The following UBE2E2 variants were observed in gnomAD, a reference collection of about 807,000 sequenced individuals.
The protein encoded by UBE2E2 is ubiquitin-conjugating enzyme E2 E2.
Under a neutral mutation model 24.7 loss-of-function variants are expected in UBE2E2, and 6 were observed. The ratio of observed to expected loss-of-function variants is 0.24; its 90% CI spans 0.13 to 0.48. The LOEUF (loss-of-function observed/expected upper bound fraction) is 0.48, where lower values mean the gene tolerates loss of function less well. Ranked by LOEUF, UBE2E2 falls within the 20% of genes least tolerant of loss-of-function variation. UBE2E2 has a pLI of 0.99. For missense variants in UBE2E2, 169 were observed against 245.0 expected (o/e 0.69, Z 2.07); for synonymous variants, 104 against 83.6 (o/e 1.24, Z -1.33).
intron 3 of UBE2E2, among the ~76,000 whole-genome samples, chr3:23,317,658 A>G (rs1051937624): frequency 1.3e-5 from 2 of 151,996 alleles, no homozygotes; most frequent in Admixed American, 1.3e-4. Context: ...TGTGCAGGGA[A>G]ACTCCTCATT....
At chr3:23,269,298 A>C (rs554112645) in intron 3 of UBE2E2, among the ~76,000 whole-genome samples, 1 of 152,152 alleles carries the variant, frequency 6.6e-6, no homozygotes, top group Non-Finnish European at 1.5e-5. Flanking sequence ...TTCACAACCT[A>C]CTCATCTGAC....
chr3:23,224,677 T>A (rs1314293053), intron 3 of UBE2E2, among the ~76,000 whole-genome samples: 1 of 152,180 alleles, frequency 6.6e-6, no homozygotes, highest in Non-Finnish European at 1.5e-5. Flanking sequence ...TGGCCTTTGT[T>A]CCTACTTGTT....
At chr3:23,341,544 TTAG>T (rs1249381875) in intron 3 of UBE2E2, among the ~76,000 whole-genome samples, 1 of 152,132 alleles carries the variant, frequency 6.6e-6, no homozygotes, top group African/African-American at 2.4e-5. Context: ...GTAGGTAAGC[TTAG>T]GTTTAGGGTC....
At chr3:23,424,252 G>A (rs527495004) in intron 3 of UBE2E2, among the ~76,000 whole-genome samples, 2 of 152,092 alleles carry the variant, frequency 1.3e-5, no homozygotes, top group Non-Finnish European at 2.9e-5. Flanking sequence ...ATAATCTGCA[G>A]TATAATATTA....
At chr3:23,222,656 T>A (rs763283286) in intron 3 of UBE2E2, among the ~76,000 whole-genome samples, 13 of 152,216 alleles carry the variant, frequency 8.5e-5, no homozygotes, top group Non-Finnish European at 1.5e-4. Context: ...CCATTAAACG[T>A]CTTTTTGTAA....
chr3:23,272,874 A>T (rs1698283585), intron 3 of UBE2E2, among the ~76,000 whole-genome samples: 1 of 152,182 alleles, frequency 6.6e-6, no homozygotes, highest in South Asian at 2.1e-4. Flanking sequence ...GACCAAGAAG[A>T]GCCCAAGTTT....
chr3:23,545,407 A>G (rs1695498903), intron 5 of UBE2E2, among the ~76,000 whole-genome samples: 1 of 152,342 alleles, frequency 6.6e-6, no homozygotes, highest in South Asian at 2.1e-4. Context: ...GCTGCCTTCA[A>G]GCATCTGTTT....
At chr3:23,422,902 A>G (rs995520255) in intron 3 of UBE2E2, among the ~76,000 whole-genome samples, 1 of 152,080 alleles carries the variant, frequency 6.6e-6, no homozygotes, top group Non-Finnish European at 1.5e-5. Flanking sequence ...TGAATCACCA[A>G]GATCTAGATC....
intron 3 of UBE2E2, among the ~76,000 whole-genome samples, chr3:23,310,337 G>C (rs565375351): frequency 6.7e-6 from 1 of 149,736 alleles, no homozygotes; most frequent in Non-Finnish European, 1.5e-5. Context: ...CTAATTTGGG[G>C]TATTTTTGAG....
intron 3 of UBE2E2, among the ~76,000 whole-genome samples, chr3:23,389,323 T>C (rs1464714969): frequency 6.6e-6 from 1 of 152,168 alleles, no homozygotes; most frequent in East Asian, 1.9e-4. Context: ...TGGATCTCTT[T>C]TCATGGTGCA....
At chr3:23,483,427 A>G (rs753415796) in intron 3 of UBE2E2, among the ~76,000 whole-genome samples, 1 of 152,228 alleles carries the variant, frequency 6.6e-6, no homozygotes, top group African/African-American at 2.4e-5. Context: ...AATTCTTATT[A>G]TAACTTCACA....
chr3:23,565,242 G>A (rs910229926), intron 5 of UBE2E2, among the ~76,000 whole-genome samples: 24 of 152,118 alleles, frequency 1.6e-4, no homozygotes, highest in Admixed American at 1.3e-3. Context: ...GTATATGAAC[G>A]TGTCAGGAAG....
Position 23,283,180 on chromosome 3 carries a change from TC to T in UBE2E2, c.227+65871del, listed in dbSNP as rs1575530204. ...TGTAAGTTCAGGTTAGTAGGTGATG[TC>T]CCAAAGTGCCCTGAAGGCAACCAGT... On this transcript the variant is annotated intron_variant, in intron 3 of 5. Transcript: ENST00000396703. Among the ~76,000 whole-genome samples the T allele has an allele frequency of 2.0e-5, 3 of 152,178 alleles. 1 individual carries two copies. In the East Asian group the frequency reaches 5.8e-4, roughly 29 times the overall value.
At chr3:23,262,265 G>A (rs1402268800) in intron 3 of UBE2E2, among the ~76,000 whole-genome samples, 1 of 152,008 alleles carries the variant, frequency 6.6e-6, no homozygotes, top group Non-Finnish European at 1.5e-5. Flanking sequence ...GGAAAAATGT[G>A]TATTCAGGGC....
intron 3 of UBE2E2, among the ~76,000 whole-genome samples, chr3:23,432,851 T>A (rs533119410): frequency 6.6e-6 from 1 of 151,924 alleles, no homozygotes; most frequent in South Asian, 2.1e-4. Context: ...AATAATAAAC[T>A]ATTAACATAT....
chr3:23,408,434 A>T lies in UBE2E2; in HGVS notation c.228-91174A>T, dbSNP rs1449808457. ...CATCTAAACCTTTAAATTAAAATAC[A>T]TCCTGCAACTTTGGTCCTGCAGCAG... On this transcript the variant is annotated intron_variant, in intron 3 of 5. Transcript: ENST00000396703. Among the ~76,000 whole-genome samples the T allele has an allele frequency of 3.9e-5, 6 of 152,200 alleles. No homozygotes were observed. In the East Asian group the frequency reaches 1.2e-3, roughly 29 times the overall value.
intron 3 of UBE2E2, among the ~76,000 whole-genome samples, chr3:23,430,524 GT>G (rs1698036073): frequency 1.3e-5 from 2 of 151,066 alleles, no homozygotes; most frequent in Non-Finnish European, 3.0e-5. Context: ...CGTTTTTTTT[GT>G]TGTTTTTTTG....
chr3:23,302,255 A>G (rs1699118185), intron 3 of UBE2E2, among the ~76,000 whole-genome samples: 1 of 152,138 alleles, frequency 6.6e-6, no homozygotes, highest in Non-Finnish European at 1.5e-5. Context: ...CTGCCTGCAA[A>G]GTATGTTTCT....
intron 3 of UBE2E2, among the ~76,000 whole-genome samples, chr3:23,459,226 C>G (rs1698755932): frequency 1.3e-5 from 2 of 152,182 alleles, no homozygotes; most frequent in Non-Finnish European, 2.9e-5. Flanking sequence ...CCCTTTGGCT[C>G]CTAAGAGATA....
Sources: allele counts gnomAD v4.1 joint callset (sites outside exome capture counted in the v4.1 genomes callset), GRCh38; gene constraint gnomAD v4.1.1; transcripts MANE v1.5; gene names NCBI Gene and HGNC (gene_info 2026-07-23, HGNC 2026-07-21).